The following PIP4K2A variants were observed in gnomAD, a reference collection of about 807,000 sequenced individuals.
The protein encoded by PIP4K2A is phosphatidylinositol 5-phosphate 4-kinase type-2 alpha.
In PIP4K2A, 14 loss-of-function variants were observed where a neutral mutation model predicts 42.9. The ratio of observed to expected loss-of-function variants is 0.33; its 90% confidence interval spans 0.22 to 0.51. PIP4K2A has a LOEUF of 0.51. Among genes scored for constraint, PIP4K2A ranks in the 20% least tolerant of loss-of-function variants. The probability of loss-of-function intolerance (pLI) is 0.97; values close to 1 mark genes in which losing one functional copy is unlikely to be tolerated. For missense variants in PIP4K2A, 434 were observed against 519.8 expected, an observed-to-expected ratio of 0.83 and a Z score of 1.61; for synonymous variants, 192 against 192.2, an observed-to-expected ratio of 1.00 and a Z score of 0.01.
At position 22,679,805 on chromosome 10, in the gene PIP4K2A, T is replaced by A. The variant is rs189695026; in HGVS notation, c.144+34378A>T. Among the ~76,000 whole-genome samples, 5 of 152,114 alleles carry A rather than the reference T, an allele frequency of 3.3e-5. No homozygotes were observed. The East Asian group carries it at 9.7e-4, about 29-fold the overall frequency. On this transcript the variant is annotated intron_variant, in intron 1 of 9. Coordinates refer to ENST00000376573, the MANE Select transcript of PIP4K2A (RefSeq NM_005028.5). ...CCTTATGCCAAATGAACAAAGCCAGTCACAAAAGCCCACATACAAATCTAC... is the reference window on the plus strand; with the variant it reads ...CCTTATGCCAAATGAACAAAGCCAGACACAAAAGCCCACATACAAATCTAC...
chr10:22,637,688 C>A (rs925722188), intron 1 of PIP4K2A, among the ~76,000 whole-genome samples: 1 of 152,124 alleles, frequency 6.6e-6, no homozygotes, highest in African/African-American at 2.4e-5. Context: ...TAAAGTGCAC[C>A]GGCCAAAAGG....
At chr10:22,584,139 A>G (rs1194028550) in intron 4 of PIP4K2A, among the ~76,000 whole-genome samples, 1 of 152,138 alleles carries the variant, frequency 6.6e-6, no homozygotes, top group African/African-American at 2.4e-5. Flanking sequence ...TCAGGCCCCC[A>G]GGAATTACAG....
intron 1 of PIP4K2A, among the ~76,000 whole-genome samples, chr10:22,629,063 G>C (rs549588108): frequency 2.6e-5 from 4 of 152,040 alleles, no homozygotes; most frequent in African/African-American, 9.7e-5. Flanking sequence ...AACTCTCCTT[G>C]CTAAAAAAAT....
chr10:22,631,620 G>A (rs975876303), intron 1 of PIP4K2A, among the ~76,000 whole-genome samples: 1 of 152,128 alleles, frequency 6.6e-6, no homozygotes, highest in African/African-American at 2.4e-5. Context: ...CATAGAATAA[G>A]AATCTATGAT....
At chr10:22,588,103 A>C (rs981570516) in intron 4 of PIP4K2A, among the ~76,000 whole-genome samples, 1 of 152,200 alleles carries the variant, frequency 6.6e-6, no homozygotes, top group Non-Finnish European at 1.5e-5. Flanking sequence ...GATTTTGCTG[A>C]GATGTATATG....
At chr10:22,613,146 C>G (rs1299057702) in intron 1 of PIP4K2A, among the ~76,000 whole-genome samples, 1 of 151,976 alleles carries the variant, frequency 6.6e-6, no homozygotes, top group Non-Finnish European at 1.5e-5. Flanking sequence ...TTTGAGAAGG[C>G]AGGGACTGGG....
Position 22,539,920 on chromosome 10 carries a change from A to AGAGAGAGAGAGAGG in PIP4K2A, c.1140+50_1140+51insCCTCTCTCTCTCTC, listed in dbSNP as rs1836057595. The AGAGAGAGAGAGAGG allele has an allele frequency of 4.1e-6, 4 of 970,346 alleles. No individual in the cohort carries two copies. In the African/African-American group the frequency reaches 6.8e-5, roughly 16 times the overall value. The allele number at this position is 970,346 out of a possible 1,614,324, so 60.1% of individuals were successfully genotyped here. A position where few individuals can be genotyped will look rare whatever the true frequency, so the allele number is the denominator to read the frequency against. On this transcript the variant is annotated intron_variant, in intron 9 of 9. Coordinates refer to ENST00000376573, the MANE Select transcript of PIP4K2A (RefSeq NM_005028.5). ...GAGAGAGAGAGAGAGAGGGAGAGAG[A>AGAGAGAGAGAGAGG]GAGAGAGAGAGGGAGAGAAAGAGAG...
At chr10:22,639,813 CAGGT>C (rs1838741601) in intron 1 of PIP4K2A, among the ~76,000 whole-genome samples, 1 of 152,066 alleles carries the variant, frequency 6.6e-6, no homozygotes, top group African/African-American at 2.4e-5. Context: ...TTCACAAAAG[CAGGT>C]GTAATTAAAG....
chr10:22,610,725 G>A (rs1838014090), intron 1 of PIP4K2A, among the ~76,000 whole-genome samples: 1 of 152,190 alleles, frequency 6.6e-6, no homozygotes, highest in African/African-American at 2.4e-5. Context: ...GAGGACAAAT[G>A]CCAGTTTCAA....
At chr10:22,612,027 T>C (rs1838055372) in intron 1 of PIP4K2A, among the ~76,000 whole-genome samples, 1 of 152,230 alleles carries the variant, frequency 6.6e-6, no homozygotes, top group African/African-American at 2.4e-5. Flanking sequence ...AACCAGAAAC[T>C]TTCTGCATCC....
chr10:22,629,664 C>T (rs751511579), intron 1 of PIP4K2A, among the ~76,000 whole-genome samples: 12 of 152,144 alleles, frequency 7.9e-5, no homozygotes, highest in Non-Finnish European at 1.5e-4. Context: ...TAGGAAATGT[C>T]ATTTTCCTAA....
At chr10:22,658,359 T>G (rs900863765) in intron 1 of PIP4K2A, among the ~76,000 whole-genome samples, 1 of 152,160 alleles carries the variant, frequency 6.6e-6, no homozygotes, top group African/African-American at 2.4e-5. Context: ...CTTTACAAAA[T>G]AACACCATCT....
intron 6 of PIP4K2A, among the ~76,000 whole-genome samples, chr10:22,555,053 G>C (rs1430208125): frequency 6.6e-6 from 1 of 152,238 alleles, no homozygotes; most frequent in African/African-American, 2.4e-5. Flanking sequence ...ACAGGCATCA[G>C]CAGAGGGACG....
At chr10:22,710,159 C>T (rs1289616681) in intron 1 of PIP4K2A, among the ~76,000 whole-genome samples, 1 of 152,120 alleles carries the variant, frequency 6.6e-6, no homozygotes, top group Admixed American at 6.5e-5. Flanking sequence ...GCTACTGACG[C>T]TCCACCAAGG....
At chr10:22,637,088 G>T (rs1449703191) in intron 1 of PIP4K2A, among the ~76,000 whole-genome samples, 2 of 152,230 alleles carry the variant, frequency 1.3e-5, no homozygotes, top group Non-Finnish European at 2.9e-5. Context: ...TTTAAAGATG[G>T]AGGCAATGTA....
intron 7 of PIP4K2A, among the ~76,000 whole-genome samples, chr10:22,545,243 T>G (rs1174309086): frequency 6.6e-6 from 1 of 152,200 alleles, no homozygotes; most frequent in Non-Finnish European, 1.5e-5. Context: ...ACAGAAAACT[T>G]TTGTCTGAGA....
At chr10:22,554,652 G>C (rs1317289520) in intron 6 of PIP4K2A, among the ~76,000 whole-genome samples, 1 of 152,278 alleles carries the variant, frequency 6.6e-6, no homozygotes. Flanking sequence ...CCTTTCTGAA[G>C]TGGCGGCGGG....
At chr10:22,590,013 G>C (rs1235394510) in intron 4 of PIP4K2A, among the ~76,000 whole-genome samples, 2 of 152,152 alleles carry the variant, frequency 1.3e-5, no homozygotes, top group African/African-American at 4.8e-5. Context: ...CATGAGCTTA[G>C]AGCCCTCATT....
rs574039947 is a variant in PIP4K2A, at chr10:22,629,371, G to A, written c.145-19654C>T. ...CTAGACCTATGATTCTAAGACAACT[G>A]CAGTCATACCTCGAGTCATACTGCA... On this transcript the variant is annotated intron_variant, in intron 1 of 9. Transcript: ENST00000376573. Among the ~76,000 whole-genome samples, 7 of 152,240 alleles carry A rather than the reference G, an allele frequency of 4.6e-5. No homozygotes were observed. In the South Asian group the frequency reaches 1.5e-3, roughly 32 times the overall value.
Sources: allele counts gnomAD v4.1 joint callset (sites outside exome capture counted in the v4.1 genomes callset), GRCh38; gene constraint gnomAD v4.1.1; transcripts MANE v1.5; gene names NCBI Gene and HGNC (gene_info 2026-07-23, HGNC 2026-07-21).